The following CLVS2 variants were observed in gnomAD, a reference collection of about 807,000 sequenced individuals.
CLVS2 encodes clavesin-2.
CLVS2 carries 19 observed loss-of-function variants against 29.0 expected under a neutral mutation model. The ratio of observed to expected loss-of-function variants is 0.66; its 90% CI spans 0.46 to 0.96. The LOEUF (loss-of-function observed/expected upper bound fraction) is 0.96, where lower values mean the gene tolerates loss of function less well. Among genes scored for constraint, CLVS2 ranks in the 40% least tolerant of loss-of-function variants. The probability of loss-of-function intolerance (pLI) is 0.00; values close to 1 mark genes in which losing one functional copy is unlikely to be tolerated. For missense variants in CLVS2, 294 were observed against 404.1 expected (o/e 0.73, Z 2.34); for synonymous variants, 161 against 151.3 (o/e 1.06, Z -0.47).
At chr6:123,003,789 G>A (rs775772008) in intron 2 of CLVS2, among the ~76,000 whole-genome samples, 6 of 152,110 alleles carry the variant, frequency 3.9e-5, no homozygotes, top group Non-Finnish European at 5.9e-5. Context: ...GGGCAGCTGT[G>A]GGCTACTCAG....
At chr6:122,999,928 A>G (rs1774564829) in intron 2 of CLVS2, among the ~76,000 whole-genome samples, 2 of 152,314 alleles carry the variant, frequency 1.3e-5, no homozygotes, top group South Asian at 4.1e-4. Context: ...TTTCATATAT[A>G]TGAGAAAGTG....
At chr6:123,033,087 A>C (rs926067017) in intron 3 of CLVS2, among the ~76,000 whole-genome samples, 1 of 152,038 alleles carries the variant, frequency 6.6e-6, no homozygotes, top group African/African-American at 2.4e-5. Context: ...GTGGCATATT[A>C]GCCATTTTTG....
At chr6:122,999,161 A>G (rs976016528) in intron 2 of CLVS2, among the ~76,000 whole-genome samples, 1 of 152,128 alleles carries the variant, frequency 6.6e-6, no homozygotes, top group Non-Finnish European at 1.5e-5. Flanking sequence ...ACATTGGTGT[A>G]TTTTTAGTTC....
At chr6:123,038,574 G>A (rs1020426572) in intron 3 of CLVS2, among the ~76,000 whole-genome samples, 1 of 152,192 alleles carries the variant, frequency 6.6e-6, no homozygotes, top group East Asian at 1.9e-4. Flanking sequence ...AAAGAATAAA[G>A]TAAGTCATCT....
intron 2 of CLVS2, among the ~76,000 whole-genome samples, chr6:123,005,051 T>C (rs984700055): frequency 6.6e-6 from 1 of 152,182 alleles, no homozygotes; most frequent in Non-Finnish European, 1.5e-5. Context: ...TCAGAAAGAT[T>C]TGGCTTTGAA....
chr6:123,050,912 A>G (rs995015318), intron 4 of CLVS2, among the ~76,000 whole-genome samples: 8 of 152,314 alleles, frequency 5.3e-5, no homozygotes, highest in African/African-American at 1.9e-4. Flanking sequence ...GACAGCTTTG[A>G]CAACCTAGAA....
In CLVS2 at chr6:123,059,108, T is replaced by C. The variant is rs55673073; in HGVS notation, c.896+3082T>C. 7.0e-3 allele frequency among the ~76,000 whole-genome samples: 1,066 copies of C among 152,230 alleles called. 8 individuals are homozygous for C. The highest frequency in any genetic ancestry group is 0.025 in the African/African-American group (1,026 of 41,552). On this transcript the variant is annotated intron_variant, in intron 5 of 5. Transcript: ENST00000275162. The stretch of plus-strand genomic sequence containing the variant: ...CCTCTTCCCCTGCTTTTCAGACACA[T>C]TAGTCTTCTCTTTTTGCCCTTGTCA...
chr6:122,998,062 C>T lies in CLVS2; in HGVS notation c.285C>T (p.Gly95=). The part of the protein sequence containing the change: ...MFKSFKATDP[G]IKQALKDGFP... ...AAAGCTTTAAGGCCACCGACCCTGGCATCAAGCAGGCACTGAAGGATGGCT... is the reference window on the plus strand; with the variant it reads ...AAAGCTTTAAGGCCACCGACCCTGGTATCAAGCAGGCACTGAAGGATGGCT... Residue 95 remains glycine, a synonymous_variant, in exon 2 of 6, where the codon GGC becomes GGT. Coordinates refer to ENST00000275162, the MANE Select transcript of CLVS2 (RefSeq NM_001010852.4). 1.2e-6 allele frequency: 2 copies of T among 1,614,194 alleles called. No individual in the cohort carries two copies. Among genetic ancestry groups the T allele is most frequent in the Non-Finnish European group, 1.7e-6 (2 of 1,180,046 alleles).
chr6:123,059,847 A>G (rs1772749535), intron 5 of CLVS2, among the ~76,000 whole-genome samples: 2 of 151,830 alleles, frequency 1.3e-5, no homozygotes, highest in South Asian at 4.2e-4. Flanking sequence ...TAAATAGACC[A>G]TTTTCTCCCC....
Position 123,046,671 on chromosome 6 carries a change from A to T in CLVS2, c.565-1951A>T, listed in dbSNP as rs548324619. Among the ~76,000 whole-genome samples the T allele has an allele frequency of 6.0e-3, 883 of 147,478 alleles. 9 individuals are homozygous for T. Among genetic ancestry groups the T allele is most frequent in the South Asian group, 0.045 (205 of 4,536 alleles). ...GAAACTCAGTCTCAAAAAAAAAAAAAAATAATAATAATAATCACTTGAGCC... is the reference window on the plus strand; with the variant it reads ...GAAACTCAGTCTCAAAAAAAAAAAATAATAATAATAATAATCACTTGAGCC... On this transcript the variant is annotated intron_variant, in intron 3 of 5. Transcript: ENST00000275162.
At chr6:123,053,990 C>T (rs1665723443) in intron 4 of CLVS2, among the ~76,000 whole-genome samples, 1 of 152,088 alleles carries the variant, frequency 6.6e-6, no homozygotes, top group Non-Finnish European at 1.5e-5. Context: ...TCTGGTTGTC[C>T]TATTTTCTTA....
intron 3 of CLVS2, among the ~76,000 whole-genome samples, chr6:123,017,820 A>G (rs1774860389): frequency 6.6e-6 from 1 of 152,100 alleles, no homozygotes; most frequent in Non-Finnish European, 1.5e-5. Flanking sequence ...TTCTTGTGTT[A>G]AAATTGCTGT....
intron 2 of CLVS2, among the ~76,000 whole-genome samples, chr6:123,009,112 C>T (rs190966492): frequency 6.6e-6 from 1 of 151,998 alleles, no homozygotes; most frequent in East Asian, 1.9e-4. Context: ...CTGTTTATAC[C>T]GAGAACTGTG....
intron 2 of CLVS2, among the ~76,000 whole-genome samples, chr6:123,004,804 T>A (rs868357696): frequency 6.6e-6 from 1 of 152,040 alleles, no homozygotes; most frequent in South Asian, 2.1e-4. Flanking sequence ...TCCCAGCTAC[T>A]TGGGAGGCCG....
Position 123,021,059 on chromosome 6 carries a change from GTA to G in CLVS2, c.564+9901_564+9902del, listed in dbSNP as rs1491020488. ...ACTTATCTGAAAGAGTATGGGGGGG[GTA>G]AAATTGCAGAATATTTGCATTCTCT... is the stretch of plus-strand genomic sequence containing the variant. On this transcript the variant is annotated intron_variant, in intron 3 of 5. Transcript: ENST00000275162. Among the ~76,000 whole-genome samples, 732 of 149,098 alleles carry G rather than the reference GTA, an allele frequency of 4.9e-3. 3 individuals are homozygous for G. The highest frequency in any genetic ancestry group is 0.016 in the African/African-American group (647 of 40,432).
At chr6:123,000,512 A>G (rs1774575727) in intron 2 of CLVS2, among the ~76,000 whole-genome samples, 1 of 152,172 alleles carries the variant, frequency 6.6e-6, no homozygotes, top group African/African-American at 2.4e-5. Context: ...CAATGCCAGG[A>G]TGTTACCAAC....
intron 5 of CLVS2, among the ~76,000 whole-genome samples, chr6:123,060,555 C>A (rs1000184099): frequency 2.0e-5 from 3 of 152,178 alleles, no homozygotes; most frequent in Non-Finnish European, 4.4e-5. Flanking sequence ...GTAGTATCCC[C>A]ATTTTATTGA....
chr6:123,022,263 G>T (rs974836072), intron 3 of CLVS2, among the ~76,000 whole-genome samples: 1 of 152,052 alleles, frequency 6.6e-6, no homozygotes, highest in Non-Finnish European at 1.5e-5. Flanking sequence ...CAAACTGTCT[G>T]ATTTACTAAT....
intron 4 of CLVS2, among the ~76,000 whole-genome samples, chr6:123,049,786 C>T (rs1772575271): frequency 1.7e-5 from 2 of 116,928 alleles, no homozygotes; most frequent in African/African-American, 6.4e-5. Context: ...ATATCACACA[C>T]CGGGGCCTGT....
Sources: allele counts gnomAD v4.1 joint callset (sites outside exome capture counted in the v4.1 genomes callset), GRCh38; gene constraint gnomAD v4.1.1; transcripts MANE v1.5; gene names NCBI Gene and HGNC (gene_info 2026-07-23, HGNC 2026-07-21).